SPHKAP: variants seen among roughly 807,000 people sequenced by gnomAD.
The protein encoded by SPHKAP is A-kinase anchor protein SPHKAP.
A neutral mutation model predicts 137.5 loss-of-function variants in SPHKAP; 67 were observed. The ratio of observed to expected loss-of-function variants is 0.49; its 90% CI spans 0.40 to 0.60. The LOEUF (loss-of-function observed/expected upper bound fraction) is 0.60. Ranked by LOEUF, SPHKAP falls within the 20% of genes least tolerant of loss-of-function variation. The pLI, the probability that SPHKAP is intolerant of heterozygous loss-of-function variation, is 0.00. For synonymous variants in SPHKAP, 813 were observed against 785.3 expected, an observed-to-expected ratio of 1.04 and a Z score of -0.59; for missense variants, 2,097 against 2,069.3, an observed-to-expected ratio of 1.01 and a Z score of -0.26.
chr2:228,172,801 T>C (rs1434572338), intron 1 of SPHKAP, among the ~76,000 whole-genome samples: 3 of 152,152 alleles, frequency 2.0e-5, no homozygotes, highest in East Asian at 1.9e-4. Flanking sequence ...CTGAAATCTG[T>C]TAGTCACCAT....
At chr2:228,053,466 T>G (rs10933231) in intron 3 of SPHKAP, among the ~76,000 whole-genome samples, 152,244 of 152,306 alleles carry the variant, frequency 1, 76,091 homozygotes, top group Non-Finnish European at 1. Context: ...CCTGGGCATG[T>G]GTGTTAAAAT....
chr2:227,991,769 A>G (rs1693422257), intron 9 of SPHKAP: 4 of 657,194 alleles, frequency 6.1e-6, no homozygotes, highest in Non-Finnish European at 7.5e-6. Flanking sequence ...ATACTACAAT[A>G]GCAACATAGC....
chr2:228,091,687 A>T (rs1034064475), intron 3 of SPHKAP, among the ~76,000 whole-genome samples: 6 of 152,206 alleles, frequency 3.9e-5, no homozygotes. Flanking sequence ...ATCACTAAGG[A>T]TCAGGGAAAT....
chr2:228,103,339 G>A (rs1462471934), intron 3 of SPHKAP, among the ~76,000 whole-genome samples: 1 of 152,166 alleles, frequency 6.6e-6, no homozygotes, highest in Non-Finnish European at 1.5e-5. Flanking sequence ...ATGGGCTTGG[G>A]GTTTCCCACT....
At chr2:228,075,705 A>T (rs1408707914) in intron 3 of SPHKAP, among the ~76,000 whole-genome samples, 20 of 152,368 alleles carry the variant, frequency 1.3e-4, no homozygotes, top group Non-Finnish European at 1.5e-5. Flanking sequence ...CTCAGATGTA[A>T]GTCATGCGGA....
At position 228,027,589 on chromosome 2, in the gene SPHKAP, C is replaced by T. The variant is rs772347322; in HGVS notation, c.247-46G>A. On this transcript the variant is annotated intron_variant, in intron 3 of 11. Transcript: ENST00000392056. ...TAGTACGTTAAAGTCAAAAACCTGACTGTCTTTTTAGAAGAAAGAAAGCAG... is the reference window on the plus strand; with the variant it reads ...TAGTACGTTAAAGTCAAAAACCTGATTGTCTTTTTAGAAGAAAGAAAGCAG... 3.8e-6 allele frequency: 6 copies of T among 1,586,042 alleles called. No individual in the cohort carries two copies. The Admixed American group carries it at 1.0e-4, about 27-fold the overall frequency.
At chr2:228,011,443 C>T (rs1429282574) in intron 7 of SPHKAP, among the ~76,000 whole-genome samples, 6 of 152,224 alleles carry the variant, frequency 3.9e-5, no homozygotes. Context: ...AGGGCAAGCA[C>T]AGAGTCAGCT....
rs1191275319 is a variant in SPHKAP, at chr2:227,980,288, G to A, written c.*1429C>T. 1 of 152,222 alleles carries A rather than the reference G, an allele frequency of 6.6e-6. No individual in the cohort carries two copies. The highest frequency in any genetic ancestry group is 2.4e-5 in the African/African-American group (1 of 41,436). The allele number at this position is 152,222 out of a possible 1,614,324, so 9.4% of individuals were successfully genotyped here. ...GCACTGGGCAAGTATCCTAGGATGGGAGTGGGGAAGGAAGTATGGCTTACA... is the reference window on the plus strand; with the variant it reads ...GCACTGGGCAAGTATCCTAGGATGGAAGTGGGGAAGGAAGTATGGCTTACA... On this transcript the variant is annotated 3_prime_UTR_variant, in exon 12 of 12. Transcript: ENST00000392056.
intron 3 of SPHKAP, among the ~76,000 whole-genome samples, chr2:228,095,026 A>G (rs1325941936): frequency 6.6e-6 from 1 of 152,226 alleles, no homozygotes; most frequent in East Asian, 1.9e-4. Flanking sequence ...AAATCAAAAC[A>G]GCTTTGATAA....
intron 4 of SPHKAP, among the ~76,000 whole-genome samples, chr2:228,027,169 G>C (rs1695074043): frequency 6.6e-6 from 1 of 152,182 alleles, no homozygotes. Context: ...GAGAGACAGA[G>C]GGGAGGGTTG....
chr2:228,012,163 C>CAAAAAAAAAAAAAAAAA (rs544782857), intron 7 of SPHKAP, among the ~76,000 whole-genome samples: 2 of 84,918 alleles, frequency 2.4e-5, no homozygotes, highest in African/African-American at 9.8e-5. Context: ...GACTCTACCT[C>CAAAAAAAAAAAAAAAAA]AAAAAAAAAA....
chr2:228,004,600 T>C (rs1165188499), intron 7 of SPHKAP, among the ~76,000 whole-genome samples: 1 of 152,236 alleles, frequency 6.6e-6, no homozygotes, highest in African/African-American at 2.4e-5. Flanking sequence ...TTCTGCTATC[T>C]TTTGCATGTG....
In SPHKAP at chr2:228,017,056, G is replaced by C; in HGVS notation, c.3798C>G (p.Asn1266Lys). The change falls in exon 7 of 12, where the codon AAC becomes AAG. Residue 1266 changes from asparagine (N) to lysine (K), a missense_variant. Coordinates refer to ENST00000392056, the MANE Select transcript of SPHKAP (RefSeq NM_001142644.2). ...KANSLDGFAQ[N>K]CPQDFLSVQP... ...GCACGCTTAGGAAATCTTGTGGGCA[G>C]TTCTGAGCAAAGCCATCTAAAGAGT... 3 of 1,614,144 alleles carry C rather than the reference G, an allele frequency of 1.9e-6. No individual in the cohort carries two copies. The highest frequency in any genetic ancestry group is 2.5e-6 in the Non-Finnish European group (3 of 1,180,020).
chr2:228,122,264 G>C (rs10168194), intron 2 of SPHKAP, among the ~76,000 whole-genome samples: 50,370 of 151,880 alleles, frequency 0.33, 8,759 homozygotes, highest in East Asian at 0.5. Context: ...TAAGCTATTT[G>C]AAGTTTTCAG....
At chr2:228,078,801 G>A (rs4384783) in intron 3 of SPHKAP, among the ~76,000 whole-genome samples, 24,222 of 152,098 alleles carry the variant, frequency 0.16, 2,158 homozygotes, top group East Asian at 0.31. Context: ...GATACCCACT[G>A]AGTAGGAGAA....
At chr2:228,133,655 T>C (rs1699337640) in intron 1 of SPHKAP, among the ~76,000 whole-genome samples, 1 of 152,190 alleles carries the variant, frequency 6.6e-6, no homozygotes, top group African/African-American at 2.4e-5. Flanking sequence ...AACATGTAGA[T>C]GGTTTCTCTT....
chr2:228,181,474 C>T lies in SPHKAP; in HGVS notation c.32+93G>A. 8 of 1,582,502 alleles carry T rather than the reference C, an allele frequency of 5.1e-6. No homozygotes were observed. The highest frequency in any genetic ancestry group is 6.9e-6 in the Non-Finnish European group (8 of 1,151,524). ...CTCCTCGCTGGGAGCCCCGTGCAAA[C>T]CGAAGCGCTCTGGGGCAAGTTGGTG... On this transcript the variant is annotated intron_variant, in intron 1 of 11. Coordinates refer to ENST00000392056, the MANE Select transcript of SPHKAP (RefSeq NM_001142644.2). This position sits in a 1 kb window ranked among gnomAD's most constrained non-coding sequence, Gnocchi z 4.3.
intron 1 of SPHKAP, among the ~76,000 whole-genome samples, chr2:228,154,971 T>C (rs1478429857): frequency 5.3e-5 from 8 of 152,208 alleles, no homozygotes. Flanking sequence ...TTTGTGTAAG[T>C]TATATTTCTA....
Position 228,026,797 on chromosome 2 carries a change from A to G in SPHKAP, c.306+687T>C, listed in dbSNP as rs544385384. Reference sequence around the variant, plus strand: ...AAGCTTGAAGTGCAGCATTGTCAATATGGGAATAACTGTCAGTAACCGAGT... The same window carrying G: ...AAGCTTGAAGTGCAGCATTGTCAATGTGGGAATAACTGTCAGTAACCGAGT... On this transcript the variant is annotated intron_variant, in intron 4 of 11. Transcript: ENST00000392056. Among the ~76,000 whole-genome samples, 3 of 152,352 alleles carry G rather than the reference A, an allele frequency of 2.0e-5. No homozygotes were observed. The South Asian group carries it at 6.2e-4, about 32-fold the overall frequency.
Sources: allele counts gnomAD v4.1 joint callset (sites outside exome capture counted in the v4.1 genomes callset), GRCh38; gene constraint gnomAD v4.1.1; non-coding constraint Gnocchi (gnomAD v3.1); transcripts MANE v1.5; gene names NCBI Gene and HGNC (gene_info 2026-07-23, HGNC 2026-07-21).